The following SCYL3 variants were observed in gnomAD, a reference collection of about 807,000 sequenced individuals.
The protein encoded by SCYL3 is protein-associating with the carboxyl-terminal domain of ezrin.
In SCYL3, 35 loss-of-function variants were observed where a neutral mutation model predicts 73.8. The observed-to-expected ratio is 0.47, with a 90% CI of 0.36 to 0.63. The LOEUF (loss-of-function observed/expected upper bound fraction) is 0.63. Among genes scored for constraint, SCYL3 ranks in the 20% least tolerant of loss-of-function variants. The pLI is 0.00. For missense variants in SCYL3, 712 were observed against 798.9 expected (o/e 0.89, Z 1.31); for synonymous variants, 277 against 295.2 (o/e 0.94, Z 0.63).
At chr1:169,872,963 A>G (rs1660520037) in intron 5 of SCYL3, among the ~76,000 whole-genome samples, 1 of 152,144 alleles carries the variant, frequency 6.6e-6, no homozygotes, top group Non-Finnish European at 1.5e-5. Context: ...GAGACATTGG[A>G]CTATGGACTT....
Position 169,850,084 on chromosome 1 carries a change from A to G in SCYL3, c.*3629T>C, listed in dbSNP as rs1657915423. The G allele has an allele frequency of 1.7e-6, 1 of 584,050 alleles. No individual in the cohort carries two copies. Among genetic ancestry groups the G allele is most frequent in the African/African-American group, 1.9e-5 (1 of 53,502 alleles). 36.2% of individuals were successfully genotyped at this position (584,050 alleles called of 1,614,324 possible). ...ATTAAAGCTTACAACACTTGTACAG[A>G]AGTTAATTTTGTATTATCCTTAGGG... On this transcript the variant is annotated 3_prime_UTR_variant, in exon 13 of 13. Transcript: ENST00000367771.
chr1:169,870,133 C>G (rs1372440813), intron 6 of SCYL3, 122 bp downstream of exon 6: 2 of 676,500 alleles, frequency 3.0e-6, no homozygotes, highest in Non-Finnish European at 4.8e-6. Context: ...AAAAAAGTTA[C>G]CTGGTAAGCA....
chr1:169,867,455 T>A (rs1181333425), intron 7 of SCYL3, among the ~76,000 whole-genome samples: 1 of 152,140 alleles, frequency 6.6e-6, no homozygotes, highest in Non-Finnish European at 1.5e-5. Context: ...GGGATTAGTG[T>A]GAGAGGAGTG....
chr1:169,881,665 T>G (rs1225425339), intron 2 of SCYL3, among the ~76,000 whole-genome samples: 2 of 152,212 alleles, frequency 1.3e-5, no homozygotes, highest in African/African-American at 4.8e-5. Flanking sequence ...CTTTTTTAGA[T>G]TCCACATGAG....
Position 169,851,017 on chromosome 1 carries a change from C to G in SCYL3, c.*2696G>C. Reference sequence around the variant, plus strand: ...TTTTTTTTTTTTTTTATTTGGGCAGCCTCCCAAGCCAGGGTAAGCTCAGGG... The same window carrying G: ...TTTTTTTTTTTTTTTATTTGGGCAGGCTCCCAAGCCAGGGTAAGCTCAGGG... On this transcript the variant is annotated 3_prime_UTR_variant, in exon 13 of 13. Coordinates refer to ENST00000367771, the MANE Select transcript of SCYL3 (RefSeq NM_020423.7). The G allele has an allele frequency of 3.6e-5, 1 of 27,802 alleles. No individual in the cohort carries two copies. The highest frequency in any genetic ancestry group is 7.3e-5 in the Non-Finnish European group (1 of 13,756). The allele number at this position is 27,802 out of a possible 1,614,324, so 1.7% of individuals were successfully genotyped here.
rs1340905890 is a variant in SCYL3, at chr1:169,868,961, G to T, written c.704C>A (p.Ala235Glu). The T allele has an allele frequency of 1.9e-6, 3 of 1,613,908 alleles. No individual in the cohort carries two copies. The highest frequency in any genetic ancestry group is 2.5e-6 in the Non-Finnish European group (3 of 1,179,938). The change falls in exon 7 of 13, where the codon GCG becomes GAG. Residue 235 changes from alanine to glutamate, a missense_variant. By Grantham distance (107) the Ala-to-Glu change is moderately radical (BLOSUM62 -1). Transcript: ENST00000367771. ...LLNPIPKCRP[A>E]LCTLLSHDFF... Reference sequence around the variant, plus strand: ...GTCATGAGATAGTAAGGTGCAGAGCGCTGGCCGACATTTTGGAATGGGATT... The same window carrying T: ...GTCATGAGATAGTAAGGTGCAGAGCTCTGGCCGACATTTTGGAATGGGATT...
chr1:169,888,705 T>G lies in SCYL3; in HGVS notation c.136A>C (p.Asn46His). Residue 46 changes from asparagine (N) to histidine (H), a missense_variant, in exon 2 of 13, where the codon AAT becomes CAT. By Grantham distance (68) the Asn-to-His change is moderately conservative. This residue lies in a region of SCYL3 where 342 missense variants were observed against 448.1 expected (regional missense o/e 0.76). Transcript: ENST00000367771. ...GCAGCTTTATTAACCTTGTCTTCAT[T>G]TTCTCTCTTATACACAAAAACTGAA... The part of the protein sequence containing the change: ...FASVFVYKRE[N>H]EDKVNKAAKH... The G allele has an allele frequency of 1.2e-6, 2 of 1,614,074 alleles. No homozygotes were observed. The highest frequency in any genetic ancestry group is 2.2e-5 in the South Asian group (2 of 91,066).
chr1:169,856,563 C>T (rs1195110451), intron 11 of SCYL3, among the ~76,000 whole-genome samples: 1 of 152,104 alleles, frequency 6.6e-6, no homozygotes, highest in Non-Finnish European at 1.5e-5. Flanking sequence ...ATTAGGTCCC[C>T]AGCTCTCTTC....
chr1:169,874,253 G>A (rs3766150), intron 4 of SCYL3, among the ~76,000 whole-genome samples: 15,933 of 152,108 alleles, frequency 0.1, 1,005 homozygotes, highest in Admixed American at 0.18. Flanking sequence ...TAGTTTCGAA[G>A]ACTATTTTTG....
intron 11 of SCYL3, chr1:169,856,047 T>A: frequency 1.7e-6 from 2 of 1,144,418 alleles, no homozygotes; most frequent in Non-Finnish European, 2.5e-6. Flanking sequence ...TTAAGTGAAA[T>A]GGGTATATTT....
chr1:169,884,086 GTTTA>G (rs1275748676), intron 2 of SCYL3, among the ~76,000 whole-genome samples: 2 of 151,876 alleles, frequency 1.3e-5, no homozygotes, highest in Admixed American at 1.3e-4. Flanking sequence ...CTCCAATAGG[GTTTA>G]TTTATTTATT....
intron 3 of SCYL3, among the ~76,000 whole-genome samples, chr1:169,877,837 T>C (rs571710053): frequency 1.3e-5 from 2 of 152,336 alleles, no homozygotes; most frequent in South Asian, 4.1e-4. Context: ...CATGCGAACT[T>C]GTAAATGCAC....
At chr1:169,878,437 T>G (rs1432837393) in intron 3 of SCYL3, among the ~76,000 whole-genome samples, 197 bp downstream of exon 3, 1 of 152,246 alleles carries the variant, frequency 6.6e-6, no homozygotes, top group Non-Finnish European at 1.5e-5. Flanking sequence ...CAGAACTAGT[T>G]GTCCATTCTA....
chr1:169,856,031 G>T, intron 11 of SCYL3: 1 of 1,368,348 alleles, frequency 7.3e-7, no homozygotes, highest in Non-Finnish European at 1.0e-6. Flanking sequence ...TGGTTGGTGG[G>T]CATAGTTAAG....
chr1:169,857,584 A>G (rs957443452), intron 11 of SCYL3, among the ~76,000 whole-genome samples: 1 of 152,254 alleles, frequency 6.6e-6, no homozygotes, highest in Admixed American at 6.5e-5. Context: ...TAAAGAAATC[A>G]CTGAATGAAT....
intron 11 of SCYL3, 119 bp from the exon 12 acceptor site, chr1:169,855,083 CATACTA>C: frequency 2.9e-6 from 2 of 682,680 alleles, no homozygotes; most frequent in Non-Finnish European, 4.8e-6. Flanking sequence ...AATATCCATG[CATACTA>C]AACAAAAGAG....
Position 169,854,741 on chromosome 1 carries a change from T to C in SCYL3, c.1536A>G (p.Glu512=). 1.2e-6 allele frequency: 2 copies of C among 1,614,044 alleles called. No individual in the cohort carries two copies. Among genetic ancestry groups the C allele is most frequent in the Non-Finnish European group, 1.7e-6 (2 of 1,179,908 alleles). The change falls in exon 12 of 13, where the codon GAA becomes GAG. Residue 512 remains glutamate, a synonymous_variant. Coordinates refer to ENST00000367771, the MANE Select transcript of SCYL3 (RefSeq NM_020423.7). ...VKSQCTTLDV[E]ESSWDDCEPS... is the part of the protein sequence containing the mutation. The stretch of plus-strand genomic sequence containing the variant: ...GCTCGCAGTCATCCCAAGATGACTC[T>C]TCCACATCCAAGGTAGTGCACTGGG...
Position 169,876,435 on chromosome 1 carries a change from C to T in SCYL3, c.352-344G>A, listed in dbSNP as rs140789420. Among the ~76,000 whole-genome samples the T allele has an allele frequency of 2.4e-3, 371 of 152,296 alleles. 2 individuals carry two copies. The highest frequency in any genetic ancestry group is 4.3e-3 in the Non-Finnish European group (295 of 68,022). On this transcript the variant is annotated intron_variant, in intron 3 of 12. Transcript: ENST00000367771. ...GTCAGGGGATATACATGTTCTTAAA[C>T]ATACATTTACAAGTCTGTATAATCT... is the stretch of plus-strand genomic sequence containing the variant.
At chr1:169,854,059 T>C in intron 12 of SCYL3, 1 of 579,188 alleles carries the variant, frequency 1.7e-6, no homozygotes, top group Non-Finnish European at 3.0e-6. Flanking sequence ...AATAAAAAGG[T>C]TACAATAGCT....
Sources: gnomAD v4.1 joint callset for allele counts (sites outside exome capture counted in the v4.1 genomes callset) on GRCh38, gnomAD v4.1.1 for gene constraint, gnomAD v4.1.1 regional missense constraint, MANE v1.5 for transcripts, NCBI Gene and HGNC (gene_info 2026-07-23, HGNC 2026-07-21) for gene names.